CDH6: variants seen among roughly 807,000 people sequenced by gnomAD.
CDH6 encodes cadherin-6.
In CDH6, 31 loss-of-function variants were observed where a neutral mutation model predicts 78.0. The ratio of observed to expected loss-of-function variants is 0.40; its 90% CI spans 0.30 to 0.54. CDH6 has a LOEUF of 0.54. CDH6 is among the 20% of genes least tolerant of loss of function. The pLI is 0.56. For synonymous variants in CDH6, 376 were observed against 368.8 expected, an observed-to-expected ratio of 1.02 and a Z score of -0.23; for missense variants, 724 against 975.9, an observed-to-expected ratio of 0.74 and a Z score of 3.44.
intron 6 of CDH6, among the ~76,000 whole-genome samples, chr5:31,302,912 A>G (rs1737846135): frequency 9.4e-6 from 1 of 106,704 alleles, no homozygotes; most frequent in Non-Finnish European, 2.1e-5. Flanking sequence ...AAAAAGAAAG[A>G]AAGAAAGAAA....
chr5:31,255,498 G>A (rs796635722), intron 1 of CDH6, among the ~76,000 whole-genome samples: 2 of 152,182 alleles, frequency 1.3e-5, no homozygotes, highest in Non-Finnish European at 2.9e-5. Context: ...GATATTTTAT[G>A]TGCAGTTTGA....
intron 1 of CDH6, among the ~76,000 whole-genome samples, chr5:31,229,859 T>C (rs940552823): frequency 2.0e-5 from 3 of 152,170 alleles, no homozygotes; most frequent in Non-Finnish European, 4.4e-5. Context: ...CTTGGTGACG[T>C]AAGGGACTTT....
intron 2 of CDH6, among the ~76,000 whole-genome samples, chr5:31,290,233 C>A (rs1316079197): frequency 6.6e-6 from 1 of 152,168 alleles, no homozygotes; most frequent in Non-Finnish European, 1.5e-5. Flanking sequence ...GCACTCCAGC[C>A]TGGGCAACAG....
At chr5:31,198,397 G>A (rs1375530712) in intron 1 of CDH6, among the ~76,000 whole-genome samples, 2 of 152,156 alleles carry the variant, frequency 1.3e-5, no homozygotes, top group Non-Finnish European at 2.9e-5. Context: ...TCATGTAAAT[G>A]GGCAGCATGG....
chr5:31,232,644 G>A (rs1156598214), intron 1 of CDH6, among the ~76,000 whole-genome samples: 3 of 152,232 alleles, frequency 2.0e-5, no homozygotes, highest in Non-Finnish European at 4.4e-5. Flanking sequence ...AGTTTGCAAA[G>A]CAAATGGATT....
At chr5:31,304,689 A>AG (rs1737930070) in intron 6 of CDH6, among the ~76,000 whole-genome samples, 1 of 150,770 alleles carries the variant, frequency 6.6e-6, no homozygotes, top group Non-Finnish European at 1.5e-5. Context: ...GTCTCAAAAA[A>AG]AAAAAAAAAA....
At chr5:31,223,019 T>G (rs1410152882) in intron 1 of CDH6, among the ~76,000 whole-genome samples, 4 of 152,084 alleles carry the variant, frequency 2.6e-5, no homozygotes, top group African/African-American at 9.7e-5. Flanking sequence ...ACTTTTCCTC[T>G]CTCTTACTCT....
At chr5:31,227,875 T>C (rs1283261198) in intron 1 of CDH6, among the ~76,000 whole-genome samples, 4 of 152,192 alleles carry the variant, frequency 2.6e-5, no homozygotes, top group Non-Finnish European at 5.9e-5. Context: ...CCAGTATTAG[T>C]TGCTTCTTGC....
At chr5:31,240,915 C>T (rs1464684292) in intron 1 of CDH6, among the ~76,000 whole-genome samples, 1 of 152,178 alleles carries the variant, frequency 6.6e-6, no homozygotes, top group Non-Finnish European at 1.5e-5. Context: ...AATTCCTTAA[C>T]TTTCTGATTG....
intron 1 of CDH6, among the ~76,000 whole-genome samples, chr5:31,215,999 A>G (rs1176512519): frequency 6.6e-6 from 1 of 152,158 alleles, no homozygotes; most frequent in Non-Finnish European, 1.5e-5. Flanking sequence ...TTTTTTTTCA[A>G]AATCTATGCC....
At chr5:31,307,977 G>A (rs1017777880) in intron 7 of CDH6, among the ~76,000 whole-genome samples, 22 of 152,160 alleles carry the variant, frequency 1.4e-4, no homozygotes, top group Admixed American at 9.8e-4. Flanking sequence ...GATTTGATAC[G>A]TAGATATAGA....
chr5:31,265,744 T>C (rs546816456), intron 1 of CDH6, among the ~76,000 whole-genome samples: 2 of 151,954 alleles, frequency 1.3e-5, no homozygotes, highest in African/African-American at 4.8e-5. Context: ...TTGTTGTTGT[T>C]GTTGTTAGTA....
chr5:31,266,540 T>A (rs114628152), intron 1 of CDH6, among the ~76,000 whole-genome samples: 1 of 152,254 alleles, frequency 6.6e-6, no homozygotes, highest in East Asian at 1.9e-4. Context: ...CTAAGGAAAT[T>A]TGAATAGAAT....
At chr5:31,275,834 T>C (rs375209144) in intron 2 of CDH6, among the ~76,000 whole-genome samples, 5 of 152,216 alleles carry the variant, frequency 3.3e-5, no homozygotes, top group Non-Finnish European at 7.3e-5. Flanking sequence ...CAAGAATACA[T>C]TGTAACCAGA....
In CDH6 at chr5:31,317,873, C is replaced by A. The variant is rs776553919; in HGVS notation, c.1831C>A (p.Leu611Met). The change falls in exon 11 of 12, where the codon CTG becomes ATG. Residue 611 changes from leucine (L) to methionine (M), a missense_variant. Around this residue, in one of 3 missense-constraint regions of CDH6, gnomAD observed 220 missense variants for 240.6 expected, o/e 0.91. Coordinates refer to ENST00000265071, the MANE Select transcript of CDH6 (RefSeq NM_004932.4). Reference protein sequence around the residue: ...HAEALIHPTGLSTGALVAILL... With the variant: ...HAEALIHPTGMSTGALVAILL... ...GGAGGCGCTCATCCACCCCACGGGA[C>A]TGAGCACGGGGGCTCTGGTTGCCAT... 1.2e-6 allele frequency: 2 copies of A among 1,614,000 alleles called. No individual in the cohort carries two copies. Among genetic ancestry groups the A allele is most frequent in the South Asian group, 2.2e-5 (2 of 91,078 alleles).
chr5:31,245,957 G>T (rs1007054329), intron 1 of CDH6, among the ~76,000 whole-genome samples: 10 of 140,806 alleles, frequency 7.1e-5, no homozygotes, highest in Admixed American at 6.7e-4. Context: ...ACCCAGGCTG[G>T]AGTGCAATGG....
rs113767074 is a variant in CDH6, at chr5:31,301,114, TC to T, written c.812-995del. Among the ~76,000 whole-genome samples, 1,375 of 152,190 alleles carry T rather than the reference TC, an allele frequency of 9.0e-3. 17 individuals are homozygous for T. The highest frequency in any genetic ancestry group is 0.032 in the African/African-American group (1,315 of 41,538). ...CTCCAGCCTGAGCAACAGGAGGAAA[TC>T]CTGTCCAAAAAAAATGCTCTTTTTG... On this transcript the variant is annotated intron_variant, in intron 5 of 11. Transcript: ENST00000265071.
Position 31,281,571 on chromosome 5 carries a change from G to C in CDH6, c.229-12391G>C, listed in dbSNP as rs937908238. Among the ~76,000 whole-genome samples the C allele has an allele frequency of 2.4e-4, 36 of 152,128 alleles. 1 individual carries two copies. The highest frequency in any genetic ancestry group is 2.1e-3 in the Admixed American group (32 of 15,272). On this transcript the variant is annotated intron_variant, in intron 2 of 11. Transcript: ENST00000265071. The stretch of plus-strand genomic sequence containing the variant: ...ATGTCACAGTCTGCCAAGGCAAGAG[G>C]GACCTTGGACTTCAAAAGCCAAGCA...
chr5:31,227,011 C>T (rs910653060), intron 1 of CDH6, among the ~76,000 whole-genome samples: 2 of 152,088 alleles, frequency 1.3e-5, no homozygotes, highest in Non-Finnish European at 2.9e-5. Context: ...GAAAATGACC[C>T]ATCCCTGGAA....
Sources: gnomAD v4.1 joint callset for allele counts (sites outside exome capture counted in the v4.1 genomes callset) on GRCh38, gnomAD v4.1.1 for gene constraint, gnomAD v4.1.1 regional missense constraint, MANE v1.5 for transcripts, NCBI Gene and HGNC (gene_info 2026-07-23, HGNC 2026-07-21) for gene names.